ANXA11: variants seen among roughly 807,000 people sequenced by gnomAD.
ANXA11 encodes 56 kDa autoantigen.
In ANXA11, 57 loss-of-function variants were observed where a neutral mutation model predicts 64.7. The observed-to-expected ratio is 0.88, with a 90% CI of 0.71 to 1.10. ANXA11 has a LOEUF of 1.10. Among genes scored for constraint, ANXA11 ranks in the 50% least tolerant of loss-of-function variants. ANXA11 has a pLI of 0.00. For synonymous variants in ANXA11, 260 were observed against 265.2 expected (o/e 0.98, Z 0.19); for missense variants, 675 against 670.7 (o/e 1.01, Z -0.07).
intron 1 of ANXA11, among the ~76,000 whole-genome samples, chr10:80,199,960 T>C (rs1433604437): frequency 6.6e-6 from 1 of 152,216 alleles, no homozygotes; most frequent in Non-Finnish European, 1.5e-5. Context: ...GAGAAGTGTT[T>C]GTACTGGCTA....
chr10:80,181,193 A>G (rs911835533), intron 1 of ANXA11: 1 of 152,266 alleles, frequency 6.6e-6, no homozygotes, highest in Non-Finnish European at 1.5e-5. Context: ...GCCCATGCCT[A>G]TAATCCCAGC....
upstream of ANXA11, among the ~76,000 whole-genome samples, chr10:80,205,783 C>T (rs1840655310): frequency 1.3e-5 from 2 of 152,204 alleles, no homozygotes; most frequent in South Asian, 4.1e-4. Context: ...CCTAAGTCCT[C>T]TCCAGCCCCG....
chr10:80,192,329 T>C lies in ANXA11; in HGVS notation c.-58+13014A>G, dbSNP rs76005893. 8.9e-3 allele frequency among the ~76,000 whole-genome samples: 1,352 copies of C among 152,270 alleles called. 23 individuals carry two copies. Among genetic ancestry groups the C allele is most frequent in the African/African-American group, 0.031 (1,286 of 41,542 alleles). On this transcript the variant is annotated intron_variant, in intron 1 of 15. Transcript: ENST00000422982. Reference sequence around the variant, plus strand: ...CAGATTTTTATGGTCTCCCTCTTCATATAGACAGCAAAGGGTCACAGGACA... The same window carrying C: ...CAGATTTTTATGGTCTCCCTCTTCACATAGACAGCAAAGGGTCACAGGACA...
intron 15 of ANXA11, chr10:80,156,262 C>T (rs986043998): frequency 2.8e-5 from 11 of 399,738 alleles, no homozygotes; most frequent in African/African-American, 8.3e-5. Flanking sequence ...ACCAATGTAA[C>T]GCAACACAGT....
intron 1 of ANXA11, among the ~76,000 whole-genome samples, chr10:80,192,029 T>G (rs1846799398): frequency 6.6e-6 from 1 of 152,036 alleles, no homozygotes; most frequent in African/African-American, 2.4e-5. Flanking sequence ...GCAGGGTGGG[T>G]AGAGAGGCTT....
intron 1 of ANXA11, among the ~76,000 whole-genome samples, chr10:80,204,631 A>G (rs1017372595): frequency 2.0e-5 from 3 of 152,220 alleles, no homozygotes; most frequent in Non-Finnish European, 4.4e-5. Context: ...TCTCTAGGTA[A>G]CAAACTTCGC....
chr10:80,169,555 G>C (rs766878549), intron 4 of ANXA11, among the ~76,000 whole-genome samples, 197 bp from the exon 5 acceptor site: 16 of 152,132 alleles, frequency 1.1e-4, no homozygotes, highest in Non-Finnish European at 1.8e-4. Flanking sequence ...AGTGCGACTC[G>C]ATCCAAACCA....
At chr10:80,197,757 CT>C (rs1464720955) in intron 1 of ANXA11, among the ~76,000 whole-genome samples, 6 of 152,068 alleles carry the variant, frequency 3.9e-5, no homozygotes, top group African/African-American at 1.4e-4. Context: ...CCCGTCTCTA[CT>C]AAAAATACAA....
In ANXA11 at chr10:80,151,599, A is replaced by T. The variant is rs1039010441; in HGVS notation, c.*4254T>A. 6.6e-6 allele frequency: 1 copy of T among 152,310 alleles called. No individual in the cohort carries two copies. Among genetic ancestry groups the T allele is most frequent in the Admixed American group, 6.5e-5 (1 of 15,302 alleles). 9.4% of individuals were successfully genotyped at this position (152,310 alleles called of 1,614,324 possible). On this transcript the variant is annotated 3_prime_UTR_variant, in exon 16 of 16. Transcript: ENST00000422982. ...TGTAACTCCCTGCCAAGGCCAACAG[A>T]AAATGGGCATGGCATGGCATTAAAC...
chr10:80,160,294 C>A (rs1366810461), intron 12 of ANXA11, among the ~76,000 whole-genome samples: 4 of 152,208 alleles, frequency 2.6e-5, no homozygotes, highest in African/African-American at 9.6e-5. Context: ...TTCACTCAGG[C>A]TCCATTACAG....
At chr10:80,174,417 C>T (rs1348650074) in intron 2 of ANXA11, among the ~76,000 whole-genome samples, 2 of 151,808 alleles carry the variant, frequency 1.3e-5, no homozygotes, top group Non-Finnish European at 2.9e-5. Context: ...GCTAGGATTA[C>T]AGGCGCCCGC....
intron 8 of ANXA11, 55 bp downstream of exon 8, chr10:80,166,029 C>CGCACGCATGCGCGCGTGT: frequency 9.1e-7 from 1 of 1,103,846 alleles, no homozygotes; most frequent in South Asian, 1.4e-5. Context: ...TGCGCGCGTG[C>CGCACGCATGCGCGCGTGT]GCACACACGC....
chr10:80,167,449 T>G, intron 5 of ANXA11, 136 bp from the exon 6 acceptor site: 1 of 714,016 alleles, frequency 1.4e-6, no homozygotes, highest in Non-Finnish European at 2.4e-6. Flanking sequence ...CAGTCAACAA[T>G]GCAGAGGACT....
intron 1 of ANXA11, among the ~76,000 whole-genome samples, chr10:80,192,663 T>G (rs1589449506): frequency 6.6e-6 from 1 of 152,204 alleles, no homozygotes. Flanking sequence ...AGGGTCCTTT[T>G]CAGGGGAACT....
chr10:80,172,112 T>C (rs1202147713), intron 3 of ANXA11, among the ~76,000 whole-genome samples: 1 of 152,332 alleles, frequency 6.6e-6, no homozygotes, highest in African/African-American at 2.4e-5. Flanking sequence ...ACCCTCAGGA[T>C]GACCAGCCTT....
intron 1 of ANXA11, among the ~76,000 whole-genome samples, chr10:80,186,303 G>T (rs958109508): frequency 1.3e-5 from 2 of 152,044 alleles, no homozygotes; most frequent in Non-Finnish European, 2.9e-5. Flanking sequence ...GGGAAGGAGG[G>T]GGGTAGGAGA....
At chr10:80,202,887 A>C (rs1840496393) in intron 1 of ANXA11, among the ~76,000 whole-genome samples, 1 of 151,920 alleles carries the variant, frequency 6.6e-6, no homozygotes. Flanking sequence ...CTCTACTAAA[A>C]ATACAAAAAT....
At position 80,156,926 on chromosome 10, in the gene ANXA11, C is replaced by T. The variant is rs1564596796; in HGVS notation, c.1458+715G>A. ...GAGTCTAAGGTGGGAGGACGTGGTC[C>T]CCATGGTGCAATTGCAAGGCTCATG... On this transcript the variant is annotated intron_variant, in intron 15 of 15. Transcript: ENST00000422982. 3 of 916,282 alleles carry T rather than the reference C, an allele frequency of 3.3e-6. No individual in the cohort carries two copies. The South Asian group carries it at 1.5e-4, about 46-fold the overall frequency. The allele number at this position is 916,282 out of a possible 1,614,324, so 56.8% of individuals were successfully genotyped here.
At chr10:80,164,729 C>A (rs1056667971) in intron 8 of ANXA11, among the ~76,000 whole-genome samples, 2 of 152,144 alleles carry the variant, frequency 1.3e-5, no homozygotes, top group African/African-American at 4.8e-5. Flanking sequence ...AGCTGTGTGA[C>A]CTCGGGCACA....
Sources: allele counts gnomAD v4.1 joint callset (sites outside exome capture counted in the v4.1 genomes callset), GRCh38; gene constraint gnomAD v4.1.1; transcripts MANE v1.5; gene names NCBI Gene and HGNC (gene_info 2026-07-23, HGNC 2026-07-21).